The following BANP variants were observed in gnomAD, a reference collection of about 807,000 sequenced individuals.
BANP encodes protein BANP.
In BANP, 11 loss-of-function variants were observed where a neutral mutation model predicts 68.1. The ratio of observed to expected loss-of-function variants is 0.16; its 90% CI spans 0.10 to 0.27. The LOEUF (loss-of-function observed/expected upper bound fraction) is 0.27, where lower values mean the gene tolerates loss of function less well. BANP is among the 10% of genes least tolerant of loss of function. BANP has a pLI of 1.00. For synonymous variants in BANP, 329 were observed against 303.2 expected (o/e 1.09, Z -0.88); for missense variants, 504 against 722.7 (o/e 0.70, Z 3.47).
intron 11 of BANP, among the ~76,000 whole-genome samples, chr16:88,041,220 C>T (rs1338997843): frequency 6.6e-6 from 1 of 152,196 alleles, no homozygotes; most frequent in African/African-American, 2.4e-5. Context: ...TGAAAATAGC[C>T]TCCATTCTTA....
At chr16:87,969,907 G>GTTTT (rs1820124649) in intron 1 of BANP, 1 of 109,588 alleles carries the variant, frequency 9.1e-6, no homozygotes, top group African/African-American at 4.4e-5. Flanking sequence ...AGGTTGATTG[G>GTTTT]TCTTTTTTTT....
intron 11 of BANP, among the ~76,000 whole-genome samples, chr16:88,041,758 C>CA (rs2080855359): frequency 6.6e-6 from 1 of 152,254 alleles, no homozygotes; most frequent in African/African-American, 2.4e-5. Flanking sequence ...GGATGGGACT[C>CA]ACAGCTGTTC....
intron 1 of BANP, among the ~76,000 whole-genome samples, chr16:87,955,681 C>T (rs574274667): frequency 2.6e-5 from 4 of 151,816 alleles, no homozygotes; most frequent in South Asian, 2.1e-4. Context: ...CCAAGATACA[C>T]GTCACAAAGG....
In BANP at chr16:88,004,718, CA is replaced by C. The variant is rs1234193837; in HGVS notation, c.479+308del. 6.6e-6 allele frequency among the ~76,000 whole-genome samples: 1 copy of C among 152,250 alleles called. No individual in the cohort carries two copies. The highest frequency in any genetic ancestry group is 1.5e-5 in the Non-Finnish European group (1 of 68,048). ...CAGTCTGTGAAAGCGTTCATCCTCC[CA>C]CCTAGCTCAGTGGTCCTCACGTCTG... On this transcript the variant is annotated intron_variant, in intron 5 of 13. Coordinates refer to ENST00000682872, the MANE Select transcript of BANP (RefSeq NM_001386991.1). This position sits in a 1 kb window ranked among gnomAD's most constrained non-coding sequence, Gnocchi z 7.0.
intron 1 of BANP, among the ~76,000 whole-genome samples, chr16:87,972,459 T>C (rs12931143): frequency 0.41 from 52,858 of 130,018 alleles, 10,519 homozygotes; most frequent in Non-Finnish European, 0.49. Flanking sequence ...TTTTGGGGGA[T>C]ATATGTTTCT....
At chr16:87,960,698 G>A (rs945787427) in intron 1 of BANP, among the ~76,000 whole-genome samples, 9 of 152,184 alleles carry the variant, frequency 5.9e-5, no homozygotes, top group Non-Finnish European at 1.0e-4. Flanking sequence ...GCAAGTCCAC[G>A]GAAAGCACTT....
intron 4 of BANP, among the ~76,000 whole-genome samples, chr16:87,993,759 G>C (rs1228029099): frequency 6.6e-6 from 1 of 152,040 alleles, no homozygotes; most frequent in African/African-American, 2.4e-5. Context: ...ACCACACCCG[G>C]CTGCTAATTT....
intron 6 of BANP, among the ~76,000 whole-genome samples, chr16:88,012,944 G>A (rs2073559836): frequency 2.0e-5 from 3 of 151,934 alleles, no homozygotes; most frequent in South Asian, 2.1e-4. Context: ...CCTTTTTCCC[G>A]ACAGTAGGGA....
In BANP at chr16:87,981,206, G is replaced by A. The variant is rs1028119827; in HGVS notation, c.162+79G>A. The stretch of plus-strand genomic sequence containing the variant: ...TGCTATAACAAATCACCATCAATGG[G>A]ATGGCTTCAAAATGTAGCCTCTCAG... On this transcript the variant is annotated intron_variant, in intron 3 of 13. Transcript: ENST00000682872. The A allele has an allele frequency of 2.9e-5, 31 of 1,070,582 alleles. No individual in the cohort carries two copies. In the Admixed American group the frequency reaches 5.5e-4, roughly 19 times the overall value. The allele number at this position is 1,070,582 out of a possible 1,614,324, so 66.3% of individuals were successfully genotyped here.
intron 11 of BANP, among the ~76,000 whole-genome samples, chr16:88,056,674 TCA>T (rs2085126542): frequency 6.6e-6 from 1 of 152,224 alleles, no homozygotes; most frequent in Admixed American, 6.5e-5. Flanking sequence ...TAGCCCCGCA[TCA>T]GACTCTGTGA....
At chr16:87,974,944 A>C (rs559104473) in intron 1 of BANP, 104 bp from the exon 2 acceptor site, 1 of 598,688 alleles carries the variant, frequency 1.7e-6, no homozygotes, top group Non-Finnish European at 3.0e-6. Context: ...AACTCCACAG[A>C]CGTTCGCGGC....
chr16:87,987,914 C>T (rs945774894), intron 4 of BANP, among the ~76,000 whole-genome samples: 38 of 151,146 alleles, frequency 2.5e-4, no homozygotes, highest in Admixed American at 2.0e-3. Flanking sequence ...TGTAGGTGCA[C>T]GCTACTATGC....
intron 2 of BANP, 187 bp from the exon 3 acceptor site, chr16:87,980,849 T>C (rs1272743270): frequency 1.8e-6 from 1 of 567,918 alleles, no homozygotes; most frequent in East Asian, 3.0e-5. Flanking sequence ...TGGGCTTTTC[T>C]TGGGATTAAG....
rs1173437581 is a variant in BANP, at chr16:88,064,196, C to T, written c.1312-1071C>T. On this transcript the variant is annotated intron_variant, in intron 11 of 13. Transcript: ENST00000682872. The surrounding 1 kb of genome is among the most constrained non-coding windows in gnomAD (Gnocchi z 4.5). ...CAGGAGGTGTCGGGGGCTTGAGAGG[C>T]GCAGGGGAGCAGGGGGGGAGAGTGG... 7.6e-6 allele frequency among the ~76,000 whole-genome samples: 1 copy of T among 131,532 alleles called. No homozygotes were observed. The highest frequency in any genetic ancestry group is 1.6e-5 in the Non-Finnish European group (1 of 61,616). 86.3% of individuals were successfully genotyped at this position (131,532 alleles called of 152,430 possible). A position where few individuals can be genotyped will look rare whatever the true frequency, so the allele number is the denominator to read the frequency against.
chr16:87,975,578 C>G lies in BANP; in HGVS notation c.70+393C>G, dbSNP rs1224374755. Among the ~76,000 whole-genome samples the G allele has an allele frequency of 3.9e-5, 4 of 103,840 alleles. No individual in the cohort carries two copies. In the South Asian group the frequency reaches 1.1e-3, roughly 29 times the overall value. The allele number at this position is 103,840 out of a possible 152,430, so 68.1% of individuals were successfully genotyped here. On this transcript the variant is annotated intron_variant, in intron 2 of 13. Coordinates refer to ENST00000682872, the MANE Select transcript of BANP (RefSeq NM_001386991.1). ...CATGTTGTGTGTGTAATCCCATGTG[C>G]GGCGTCATGGAACCTTACCATGTTG...
rs531244688 is a variant in BANP at position 87,972,258 on chromosome 16, G to A, written c.-68-2790G>A. On this transcript the variant is annotated intron_variant, in intron 1 of 13. Transcript: ENST00000682872. Reference sequence around the variant, plus strand: ...GCACCATTGTGTTTATTTGTTCTAAGGTTCTTCTAGTTTAATCTTCATTTC... The same window carrying A: ...GCACCATTGTGTTTATTTGTTCTAAAGTTCTTCTAGTTTAATCTTCATTTC... 6.6e-5 allele frequency among the ~76,000 whole-genome samples: 10 copies of A among 151,762 alleles called. No homozygotes were observed. In the South Asian group the frequency reaches 1.9e-3, roughly 28 times the overall value.
chr16:88,001,428 G>A (rs2069305012), intron 4 of BANP, among the ~76,000 whole-genome samples: 5 of 152,250 alleles, frequency 3.3e-5, no homozygotes, highest in Admixed American at 3.3e-4. Context: ...GGACTTAGCT[G>A]TGTTTTTTGT....
At chr16:87,998,556 C>G (rs1213136226) in intron 4 of BANP, among the ~76,000 whole-genome samples, 8 of 138,836 alleles carry the variant, frequency 5.8e-5, no homozygotes, top group Non-Finnish European at 3.2e-5. Context: ...AGACACGTCT[C>G]CATGCACGCA....
intron 12 of BANP, among the ~76,000 whole-genome samples, chr16:88,069,669 ACCTGCACCCCAGGG>A (rs1167017321): frequency 6.6e-6 from 1 of 152,106 alleles, no homozygotes. Flanking sequence ...TGTAAATGGC[ACCTGCACCCCAGGG>A]CCAGCAGCCC....
Sources: gnomAD v4.1 joint callset for allele counts (sites outside exome capture counted in the v4.1 genomes callset) on GRCh38, gnomAD v4.1.1 for gene constraint, Gnocchi (gnomAD v3.1) non-coding constraint, MANE v1.5 for transcripts, NCBI Gene and HGNC (gene_info 2026-07-23, HGNC 2026-07-21) for gene names.